KRIT1: variants seen among roughly 807,000 people sequenced by gnomAD.
The protein encoded by KRIT1 is KRIT1 ankyrin repeat containing.
KRIT1 carries 45 observed loss-of-function variants against 95.8 expected under a neutral mutation model. The ratio of observed to expected loss-of-function variants is 0.47; its 90% CI spans 0.37 to 0.60. The LOEUF (loss-of-function observed/expected upper bound fraction) is 0.60, where lower values mean the gene tolerates loss of function less well. KRIT1 is among the 20% of genes least tolerant of loss of function. KRIT1 has a pLI of 0.00. For synonymous variants in KRIT1, 282 were observed against 278.8 expected (o/e 1.01, Z -0.11); for missense variants, 788 against 877.5 (o/e 0.90, Z 1.29).
intron 17 of KRIT1, chr7:92,203,875 G>C (rs920127666): frequency 6.6e-6 from 1 of 152,242 alleles, no homozygotes; most frequent in African/African-American, 2.4e-5. Context: ...CTTAGTACAA[G>C]AGAAATAGAA....
intron 6 of KRIT1, among the ~76,000 whole-genome samples, chr7:92,237,344 C>T (rs1285705075): frequency 6.6e-6 from 1 of 152,010 alleles, no homozygotes; most frequent in African/African-American, 2.4e-5. Flanking sequence ...ACTTAAGGAT[C>T]AATTTTTATT....
At chr7:92,220,916 T>C (rs543995128) in intron 14 of KRIT1, among the ~76,000 whole-genome samples, 101 of 151,490 alleles carry the variant, frequency 6.7e-4, no homozygotes, top group African/African-American at 2.3e-3. Context: ...TCTTGAATTC[T>C]TGACCTCGTG....
chr7:92,229,689 T>C (rs1196446127), intron 10 of KRIT1, among the ~76,000 whole-genome samples: 1 of 152,238 alleles, frequency 6.6e-6, no homozygotes, highest in Non-Finnish European at 1.5e-5. Context: ...CTTCTCTATA[T>C]TCCCACTATG....
chr7:92,229,168 T>G (rs1796788958), intron 10 of KRIT1, among the ~76,000 whole-genome samples: 1 of 152,232 alleles, frequency 6.6e-6, no homozygotes. Flanking sequence ...ATTGCCATAC[T>G]GCTTTTCACA....
chr7:92,239,188 T>C (rs1233607429), intron 5 of KRIT1, among the ~76,000 whole-genome samples: 2 of 152,176 alleles, frequency 1.3e-5, no homozygotes, highest in Non-Finnish European at 2.9e-5. Flanking sequence ...GTGCTAGATA[T>C]GTTTCACGGT....
At chr7:92,226,893 T>G (rs1796314241) in intron 10 of KRIT1, among the ~76,000 whole-genome samples, 1 of 152,232 alleles carries the variant, frequency 6.6e-6, no homozygotes, top group Non-Finnish European at 1.5e-5. Context: ...TCAATTAAAC[T>G]GTTTCTATTT....
intron 17 of KRIT1, among the ~76,000 whole-genome samples, chr7:92,211,652 G>A (rs534077344): frequency 1.3e-5 from 2 of 152,248 alleles, no homozygotes; most frequent in African/African-American, 4.8e-5. Flanking sequence ...ATAGCTAAGA[G>A]ATAAGTTGAA....
chr7:92,229,134 G>A (rs1488146807), intron 10 of KRIT1, among the ~76,000 whole-genome samples: 2 of 152,180 alleles, frequency 1.3e-5, no homozygotes, highest in African/African-American at 2.4e-5. Flanking sequence ...TCAAATGGGA[G>A]TTCTGTTTTT....
intron 8 of KRIT1, 133 bp downstream of exon 8, chr7:92,235,270 G>A (rs969126303): frequency 1.1e-6 from 1 of 897,082 alleles, no homozygotes; most frequent in African/African-American, 1.7e-5. Context: ...AAAGTGCTGG[G>A]ATTACAGGCG....
chr7:92,241,287 G>A, intron 4 of KRIT1, 135 bp from the exon 5 acceptor site: 1 of 704,806 alleles, frequency 1.4e-6, no homozygotes, highest in Non-Finnish European at 2.4e-6. Flanking sequence ...CAATAGCAAT[G>A]CCCAGCCCCA....
At chr7:92,213,861 A>T in intron 16 of KRIT1, 31 bp downstream of exon 16, 1 of 1,293,220 alleles carries the variant, frequency 7.7e-7, no homozygotes, top group Non-Finnish European at 1.1e-6. Context: ...TAGCCTATAA[A>T]ATGTCTTTTC....
chr7:92,242,105 A>G lies in KRIT1; in HGVS notation c.31T>C (p.Tyr11His). The G allele has an allele frequency of 6.2e-7, 1 of 1,602,840 alleles. No individual in the cohort carries two copies. Reference protein sequence around the residue: MGNPENIEDAYVAVIRPKNTA... With the variant: MGNPENIEDAHVAVIRPKNTA... ...TTCTTTGGACGAATAACAGCAACAT[A>G]TGCATCTTCTATGTTTTCTGGATTT... The change falls in exon 4 of 19, where the codon TAT becomes CAT. Residue 11 changes from tyrosine to histidine, a missense_variant. By Grantham distance (83) the Tyr-to-His change is moderately conservative. Transcript: ENST00000394505.
At position 92,235,353 on chromosome 7, in the gene KRIT1, T is replaced by C. The variant is rs765447491; in HGVS notation, c.729+50A>G. 1.8e-5 allele frequency: 28 copies of C among 1,584,652 alleles called. 1 individual carries two copies. The highest frequency in any genetic ancestry group is 2.3e-5 in the Non-Finnish European group (27 of 1,155,996). ...TATATCTCAGGAAAAAAAATTACAC[T>C]TGAGATAAAACGTCTTTTAAATCAG... On this transcript the variant is annotated intron_variant, in intron 8 of 18. Coordinates refer to ENST00000394505, the MANE Select transcript of KRIT1 (RefSeq NM_194454.3).
At chr7:92,206,799 T>C (rs1201599090) in intron 17 of KRIT1, 2 of 151,690 alleles carry the variant, frequency 1.3e-5, no homozygotes, top group Admixed American at 6.6e-5. Flanking sequence ...TTAAGACATA[T>C]AAGATAACAA....
At chr7:92,233,773 T>C (rs1176839551) in intron 10 of KRIT1, among the ~76,000 whole-genome samples, 1 of 152,130 alleles carries the variant, frequency 6.6e-6, no homozygotes. Context: ...CCCACAGAAA[T>C]AATGTAAAAA....
At chr7:92,218,993 ATTTTAT>A (rs756519036) in intron 14 of KRIT1, among the ~76,000 whole-genome samples, 89 of 151,840 alleles carry the variant, frequency 5.9e-4, no homozygotes, top group Admixed American at 3.0e-3. Flanking sequence ...TCACTGATGC[ATTTTAT>A]TTTTATTATT....
At chr7:92,221,764 C>A in intron 14 of KRIT1, 138 bp downstream of exon 14, 3 of 726,562 alleles carry the variant, frequency 4.1e-6, no homozygotes, top group Non-Finnish European at 4.7e-6. Flanking sequence ...AGTAGATCAA[C>A]TGAAACTCCG....
At position 92,242,079 on chromosome 7, in the gene KRIT1, A is replaced by T; in HGVS notation, c.57T>A (p.Asn19Lys). The T allele has an allele frequency of 1.2e-6, 2 of 1,603,096 alleles. No individual in the cohort carries two copies. The highest frequency in any genetic ancestry group is 2.2e-5 in the East Asian group (1 of 44,736). Residue 19 changes from asparagine to lysine, a missense_variant, in exon 4 of 19, where the codon AAT (asparagine) becomes AAA (lysine). Asn to Lys is a moderately conservative substitution (Grantham distance 94). Transcript: ENST00000394505. ...ATTCCCGAGAATTGAGACTGGCAGT[A>T]TTCTTTGGACGAATAACAGCAACAT... ...DAYVAVIRPK[N>K]TASLNSREYR...
rs544788345 is a variant in KRIT1 at position 92,239,451 on chromosome 7, C to G, written c.262+1542G>C. Among the ~76,000 whole-genome samples, 6 of 152,290 alleles carry G rather than the reference C, an allele frequency of 3.9e-5. No homozygotes were observed. The East Asian group carries it at 1.2e-3, about 29-fold the overall frequency. ...GATAGATGCTGATAACTATAACAAT[C>G]TGGCATTAGTAAAATAAGTTCAGAT... On this transcript the variant is annotated intron_variant, in intron 5 of 18. Coordinates refer to ENST00000394505, the MANE Select transcript of KRIT1 (RefSeq NM_194454.3).
Sources: gnomAD v4.1 joint callset for allele counts (sites outside exome capture counted in the v4.1 genomes callset) on GRCh38, gnomAD v4.1.1 for gene constraint, MANE v1.5 for transcripts, NCBI Gene and HGNC (gene_info 2026-07-23, HGNC 2026-07-21) for gene names.